Variants in INSC observed in about 807,000 individuals in gnomAD.
The protein encoded by INSC is INSC spindle orientation adaptor protein.
A neutral mutation model predicts 58.6 loss-of-function variants in INSC; 67 were observed. That is an observed-to-expected ratio of 1.14 (90% CI 0.94 to 1.40). The LOEUF (loss-of-function observed/expected upper bound fraction) is 1.40. INSC is among the 40% of genes most tolerant of loss of function. INSC has a pLI of 0.00. For synonymous variants in INSC, 262 were observed against 276.1 expected, an observed-to-expected ratio of 0.95 and a Z score of 0.51; for missense variants, 714 against 692.0, an observed-to-expected ratio of 1.03 and a Z score of -0.36.
chr11:15,193,726 A>G (rs1850267451), intron 6 of INSC, among the ~76,000 whole-genome samples: 1 of 152,176 alleles, frequency 6.6e-6, no homozygotes, highest in South Asian at 2.1e-4. Context: ...AGTCTTTGCT[A>G]TTGTGAATAG....
upstream of INSC, among the ~76,000 whole-genome samples, chr11:15,111,886 TCA>T (rs1279429890): frequency 6.6e-6 from 1 of 152,222 alleles, no homozygotes; most frequent in Non-Finnish European, 1.5e-5. Flanking sequence ...TCCCTGGGCC[TCA>T]GTTTCTTCAT....
chr11:15,177,247 A>AAGAT, intron 4 of INSC, 84 bp downstream of exon 4: 2 of 1,014,300 alleles, frequency 2.0e-6, no homozygotes, highest in Non-Finnish European at 3.1e-6. Flanking sequence ...CCAGAGGGAG[A>AAGAT]ATGGGAATGG....
intron 7 of INSC, among the ~76,000 whole-genome samples, chr11:15,219,234 A>T (rs1005746431): frequency 3.3e-5 from 5 of 152,106 alleles, no homozygotes; most frequent in Admixed American, 2.0e-4. Flanking sequence ...TGGTCCACAG[A>T]CCTCACTTGG....
At chr11:15,261,900 C>T in the INSC span, among the ~76,000 whole-genome samples, 3 of 152,120 alleles carry the variant, frequency 2.0e-5, no homozygotes, top group South Asian at 2.1e-4. Flanking sequence ...TTTAGGTTCA[C>T]GTAATGGAGG....
chr11:15,126,390 T>G (rs528040096), intron 1 of INSC, among the ~76,000 whole-genome samples: 3 of 152,260 alleles, frequency 2.0e-5, no homozygotes, highest in Admixed American at 6.5e-5. Flanking sequence ...GAAGCCACCT[T>G]TGAGCAAAGA....
At chr11:15,268,814 T>A in the INSC span, among the ~76,000 whole-genome samples, 3 of 152,182 alleles carry the variant, frequency 2.0e-5, no homozygotes, top group Admixed American at 2.0e-4. Context: ...CTCAACCTAA[T>A]CCTTAGCAGT....
At chr11:15,113,149 C>CTTTCTTCCTTTCTT (rs757233948), upstream of INSC, among the ~76,000 whole-genome samples, 1 of 131,252 alleles carries the variant, frequency 7.6e-6, no homozygotes, top group Non-Finnish European at 1.7e-5. Flanking sequence ...TTCTTTCTGT[C>CTTTCTTCCTTTCTT]TCTCTCTCTC....
the INSC span, among the ~76,000 whole-genome samples, chr11:15,253,880 G>T: frequency 6.6e-6 from 1 of 152,086 alleles, no homozygotes; most frequent in Non-Finnish European, 1.5e-5. Context: ...TGTAGACTGG[G>T]AACTTGGCCA....
upstream of INSC, among the ~76,000 whole-genome samples, chr11:15,113,049 C>T (rs1847604960): frequency 6.6e-6 from 1 of 151,994 alleles, no homozygotes; most frequent in Non-Finnish European, 1.5e-5. Context: ...CTTTCCTTCC[C>T]TTCCTTTCCT....
chr11:15,166,402 C>A (rs1026381927), intron 2 of INSC, among the ~76,000 whole-genome samples: 21 of 152,168 alleles, frequency 1.4e-4, no homozygotes, highest in Admixed American at 7.2e-4. Flanking sequence ...ATTTCAAAAT[C>A]TTTATTATCA....
intron 1 of INSC, among the ~76,000 whole-genome samples, chr11:15,121,594 T>G (rs2133686681): frequency 6.6e-6 from 1 of 152,364 alleles, no homozygotes; most frequent in South Asian, 2.1e-4. Flanking sequence ...TCTCTGGAAT[T>G]AATAAGTAAT....
chr11:15,229,979 T>TAATATATATATATATATATATA (rs1564917273), intron 9 of INSC, among the ~76,000 whole-genome samples: 1 of 32,992 alleles, frequency 3.0e-5, no homozygotes, highest in African/African-American at 1.2e-4. Flanking sequence ...TATATATATA[T>TAATATATATATATATATATATA]TATATATATA....
chr11:15,155,187 C>G (rs1174152638), intron 2 of INSC, among the ~76,000 whole-genome samples: 1 of 152,194 alleles, frequency 6.6e-6, no homozygotes, highest in Non-Finnish European at 1.5e-5. Flanking sequence ...CACTTAGCAA[C>G]TTGCCATTTT....
intron 12 of INSC, among the ~76,000 whole-genome samples, chr11:15,243,305 C>G (rs1852429893): frequency 6.6e-6 from 1 of 152,150 alleles, no homozygotes; most frequent in African/African-American, 2.4e-5. Context: ...TTCAAAGGCT[C>G]CCTTCAGGTA....
chr11:15,229,966 A>T (rs1381777782), intron 9 of INSC, among the ~76,000 whole-genome samples: 1 of 12,838 alleles, frequency 7.8e-5, no homozygotes, highest in African/African-American at 3.7e-4. Context: ...ATATTTATAT[A>T]TATATATATA....
At chr11:15,177,361 G>A (rs1238429597) in intron 4 of INSC, among the ~76,000 whole-genome samples, 198 bp downstream of exon 4, 5 of 152,092 alleles carry the variant, frequency 3.3e-5, no homozygotes, top group Admixed American at 3.3e-4. Flanking sequence ...CTAGGGATAG[G>A]GTAAAAGGCA....
chr11:15,160,369 C>A (rs566059116), intron 2 of INSC, among the ~76,000 whole-genome samples: 134 of 152,186 alleles, frequency 8.8e-4, no homozygotes, highest in African/African-American at 3.1e-3. Context: ...TAACTCAGGG[C>A]TGGGACAATG....
At chr11:15,227,103 C>G (rs926074257) in intron 9 of INSC, among the ~76,000 whole-genome samples, 3 of 152,190 alleles carry the variant, frequency 2.0e-5, no homozygotes, top group African/African-American at 7.2e-5. Context: ...TATTTTGGCT[C>G]AAGAGGATGT....
At chr11:15,169,749 T>C (rs1210170531) in intron 2 of INSC, among the ~76,000 whole-genome samples, 1 of 151,982 alleles carries the variant, frequency 6.6e-6, no homozygotes, top group Non-Finnish European at 1.5e-5. Flanking sequence ...GGTTTCACCA[T>C]GTTGGCTAGG....
Sources: gnomAD v4.1 joint callset for allele counts (sites outside exome capture counted in the v4.1 genomes callset) on GRCh38, gnomAD v4.1.1 for gene constraint, MANE v1.5 for transcripts, NCBI Gene and HGNC (gene_info 2026-07-23, HGNC 2026-07-21) for gene names.